Variants in USP34 observed in about 807,000 individuals in gnomAD.
The protein encoded by USP34 is ubiquitin carboxyl-terminal hydrolase 34.
Under a neutral mutation model 460.3 loss-of-function variants are expected in USP34, and 70 were observed. The observed-to-expected ratio is 0.15, with a 90% CI of 0.13 to 0.19. USP34 has a LOEUF of 0.19. USP34 is among the 10% of genes least tolerant of loss of function. USP34 has a pLI of 1.00. For missense variants in USP34, 3,985 were observed against 4,236.2 expected (o/e 0.94, Z 1.65); for synonymous variants, 1,647 against 1,405.3 (o/e 1.17, Z -3.85).
chr2:61,372,133 T>TA (rs1692646841), intron 8 of USP34, among the ~76,000 whole-genome samples: 1 of 152,098 alleles, frequency 6.6e-6, no homozygotes, highest in South Asian at 2.1e-4. Context: ...TATATACAGA[T>TA]AAACTGGAAA....
At chr2:61,276,207 T>C (rs1361562255) in intron 41 of USP34, among the ~76,000 whole-genome samples, 1 of 152,228 alleles carries the variant, frequency 6.6e-6, no homozygotes, top group African/African-American at 2.4e-5. Context: ...TGGCTACAAG[T>C]GTAAAATGAT....
chr2:61,438,020 G>A (rs951961215), intron 1 of USP34, among the ~76,000 whole-genome samples: 2 of 151,516 alleles, frequency 1.3e-5, no homozygotes, highest in African/African-American at 2.4e-5. Flanking sequence ...GTATAACCCT[G>A]ATACCAAAAC....
chr2:61,379,767 A>G (rs1692918866), intron 7 of USP34, among the ~76,000 whole-genome samples: 1 of 152,278 alleles, frequency 6.6e-6, no homozygotes, highest in East Asian at 1.9e-4. Context: ...ATTTAAGACT[A>G]TTCAAAACAA....
intron 10 of USP34, among the ~76,000 whole-genome samples, chr2:61,351,415 G>A (rs565333989): frequency 5.9e-5 from 9 of 152,094 alleles, no homozygotes; most frequent in African/African-American, 2.2e-4. Context: ...GTAAATTCAT[G>A]AGGGACAATA....
chr2:61,274,272 C>T (rs2103941051), intron 41 of USP34, among the ~76,000 whole-genome samples: 1 of 151,974 alleles, frequency 6.6e-6, no homozygotes, highest in South Asian at 2.1e-4. Context: ...TGCCTGTAAT[C>T]CCAGCTAGTA....
At chr2:61,387,664 T>C (rs1051741467) in intron 5 of USP34, among the ~76,000 whole-genome samples, 2 of 147,288 alleles carry the variant, frequency 1.4e-5, no homozygotes, top group Non-Finnish European at 3.0e-5. Context: ...ATTTTACATA[T>C]GCACACATGT....
intron 16 of USP34, among the ~76,000 whole-genome samples, chr2:61,341,581 C>T (rs1691602166): frequency 1.3e-5 from 2 of 151,976 alleles, no homozygotes; most frequent in African/African-American, 2.4e-5. Flanking sequence ...TCCAACCCCC[C>T]GTTTCCACTT....
chr2:61,277,237 CTTT>C (rs11351343), intron 41 of USP34, among the ~76,000 whole-genome samples: 25 of 138,142 alleles, frequency 1.8e-4, no homozygotes, highest in East Asian at 4.2e-4. Context: ...TATAGGTTAC[CTTT>C]TTTTTTTTTT....
intron 18 of USP34, among the ~76,000 whole-genome samples, chr2:61,335,852 G>C (rs2103742229): frequency 6.6e-6 from 1 of 152,288 alleles, no homozygotes; most frequent in East Asian, 1.9e-4. Flanking sequence ...TTTATTCCAA[G>C]AGTTTGTGTT....
chr2:61,209,780 T>C (rs191183711), intron 69 of USP34, among the ~76,000 whole-genome samples: 40 of 152,318 alleles, frequency 2.6e-4, no homozygotes, highest in Non-Finnish European at 4.9e-4. Flanking sequence ...GAAGGCATCA[T>C]TGTCAGAGGA....
chr2:61,199,763 G>A (rs1210759348), intron 75 of USP34, among the ~76,000 whole-genome samples: 1 of 152,046 alleles, frequency 6.6e-6, no homozygotes, highest in African/African-American at 2.4e-5. Context: ...CTTTGCCTAT[G>A]TATTTCTGAA....
At chr2:61,228,776 A>C in intron 60 of USP34, 51 bp downstream of exon 60, 1 of 1,593,598 alleles carries the variant, frequency 6.3e-7, no homozygotes, top group Non-Finnish European at 8.5e-7. Flanking sequence ...TTAAGTTGCA[A>C]ATACTGAAAA....
intron 1 of USP34, among the ~76,000 whole-genome samples, chr2:61,453,045 C>G (rs1037643589): frequency 2.0e-5 from 3 of 152,130 alleles, no homozygotes; most frequent in African/African-American, 7.2e-5. Flanking sequence ...AAAAGGCACT[C>G]TCATATAAAG....
In USP34 at chr2:61,323,203, G is replaced by C. The variant is rs116646830; in HGVS notation, c.3013+2172C>G. ...CAGACCAGGCTGGGCAACATAATGA[G>C]ACTCTGTACAAATAATTTAAAAATT... On this transcript the variant is annotated intron_variant, in intron 21 of 79. Coordinates refer to ENST00000398571, the MANE Select transcript of USP34 (RefSeq NM_014709.4). 7.3e-3 allele frequency among the ~76,000 whole-genome samples: 1,115 copies of C among 152,192 alleles called. 11 individuals carry two copies. Among genetic ancestry groups the C allele is most frequent in the Middle Eastern group, 0.024 (7 of 294 alleles).
At position 61,353,760 on chromosome 2, in the gene USP34, A is replaced by G. The variant is rs540825792; in HGVS notation, c.1252-3067T>C. 3.9e-4 allele frequency among the ~76,000 whole-genome samples: 59 copies of G among 152,258 alleles called. 1 individual carries two copies. Among genetic ancestry groups the G allele is most frequent in the African/African-American group, 1.4e-3 (59 of 41,564 alleles). The stretch of plus-strand genomic sequence containing the variant: ...CAAAGATTTTAAAAAACTTTATCTC[A>G]AAGATAGTAAGAGTAAAGACAGGAA... On this transcript the variant is annotated intron_variant, in intron 10 of 79. Coordinates refer to ENST00000398571, the MANE Select transcript of USP34 (RefSeq NM_014709.4).
At chr2:61,458,406 C>G (rs889005537) in intron 1 of USP34, among the ~76,000 whole-genome samples, 2 of 151,356 alleles carry the variant, frequency 1.3e-5, no homozygotes, top group African/African-American at 4.9e-5. Context: ...ACTAAAAATA[C>G]AAAAATTAGC....
chr2:61,206,691 A>G (rs1687129286), intron 71 of USP34, 69 bp downstream of exon 71: 2 of 1,563,748 alleles, frequency 1.3e-6, no homozygotes, highest in Non-Finnish European at 1.7e-6. Flanking sequence ...TCTGGGGCAC[A>G]TGATTTTAAA....
chr2:61,256,073 A>G (rs1459320133), intron 48 of USP34, among the ~76,000 whole-genome samples: 4 of 152,206 alleles, frequency 2.6e-5, no homozygotes, highest in Non-Finnish European at 4.4e-5. Context: ...ATGTCACAAA[A>G]GCTAGACATC....
At chr2:61,195,213 T>A (rs2103745541) in intron 75 of USP34, among the ~76,000 whole-genome samples, 1 of 150,968 alleles carries the variant, frequency 6.6e-6, no homozygotes, top group African/African-American at 2.4e-5. Context: ...GAGCAAACTC[T>A]CTCAAAAAGT....
Sources: allele counts gnomAD v4.1 joint callset (sites outside exome capture counted in the v4.1 genomes callset), GRCh38; gene constraint gnomAD v4.1.1; transcripts MANE v1.5; gene names NCBI Gene and HGNC (gene_info 2026-07-23, HGNC 2026-07-21).